Variants in KCNJ3 observed in about 807,000 individuals in gnomAD.
KCNJ3 encodes the protein G protein-activated inward rectifier potassium channel 1.
A neutral mutation model predicts 39.2 loss-of-function variants in KCNJ3; 4 were observed. The ratio of observed to expected loss-of-function variants is 0.10; its 90% CI spans 0.05 to 0.23. The LOEUF is 0.23. Ranked by LOEUF, KCNJ3 falls within the 10% of genes least tolerant of loss-of-function variation. KCNJ3 has a pLI of 1.00. For synonymous variants in KCNJ3, 230 were observed against 237.4 expected (o/e 0.97, Z 0.29); for missense variants, 276 against 634.9 (o/e 0.43, Z 6.08).
At chr2:154,833,853 T>G (rs1208126569) in intron 2 of KCNJ3, among the ~76,000 whole-genome samples, 2 of 152,080 alleles carry the variant, frequency 1.3e-5, no homozygotes, top group African/African-American at 4.8e-5. Flanking sequence ...CTTCATGTTT[T>G]TTTGTGGCTT....
At chr2:154,765,990 C>T (rs893212540) in intron 2 of KCNJ3, among the ~76,000 whole-genome samples, 3 of 152,140 alleles carry the variant, frequency 2.0e-5, no homozygotes, top group Non-Finnish European at 2.9e-5. Context: ...GTTGCACACA[C>T]GCCATTAGTA....
chr2:154,748,244 AAG>A lies in KCNJ3; in HGVS notation c.919+38427_919+38428del, dbSNP rs144026929. On this transcript the variant is annotated intron_variant, in intron 2 of 2. Transcript: ENST00000295101. Reference sequence around the variant, plus strand: ...TGACTAAATAACACTCTTTTTATAAAAGAAATGTGACTTTCATTTTAAAGTTA... The same window carrying A: ...TGACTAAATAACACTCTTTTTATAAAAAATGTGACTTTCATTTTAAAGTTA... Among the ~76,000 whole-genome samples, 412 of 152,186 alleles carry A rather than the reference AAG, an allele frequency of 2.7e-3. 4 individuals are homozygous for A. The highest frequency in any genetic ancestry group is 9.1e-3 in the African/African-American group (377 of 41,546).
intron 2 of KCNJ3, among the ~76,000 whole-genome samples, chr2:154,846,435 A>G (rs920785584): frequency 6.6e-6 from 1 of 152,298 alleles, no homozygotes; most frequent in African/African-American, 2.4e-5. Context: ...CTAATATAGT[A>G]GGCCCATAAA....
At chr2:154,740,847 A>C (rs1011875598) in intron 2 of KCNJ3, among the ~76,000 whole-genome samples, 3 of 152,002 alleles carry the variant, frequency 2.0e-5, no homozygotes, top group Non-Finnish European at 4.4e-5. Flanking sequence ...TCTGTACCTG[A>C]CTTGTCAGAT....
At chr2:154,786,613 C>T (rs77720355) in intron 2 of KCNJ3, among the ~76,000 whole-genome samples, 2 of 152,136 alleles carry the variant, frequency 1.3e-5, no homozygotes, top group East Asian at 1.9e-4. Flanking sequence ...CAGATATATA[C>T]GTATATATGT....
At chr2:154,756,114 T>C (rs1685932763) in intron 2 of KCNJ3, among the ~76,000 whole-genome samples, 1 of 152,154 alleles carries the variant, frequency 6.6e-6, no homozygotes, top group South Asian at 2.1e-4. Context: ...GCATACTTAT[T>C]ACATACTTTT....
intron 2 of KCNJ3, among the ~76,000 whole-genome samples, chr2:154,761,062 C>CTTTTTTTTTTTT (rs11375045): frequency 7.5e-6 from 1 of 133,934 alleles, no homozygotes; most frequent in Non-Finnish European, 1.6e-5. Flanking sequence ...TTAATTTTTT[C>CTTTTTTTTTTTT]TTTTTTTTTT....
At chr2:154,712,572 T>C (rs1685116117) in intron 2 of KCNJ3, among the ~76,000 whole-genome samples, 1 of 152,186 alleles carries the variant, frequency 6.6e-6, no homozygotes, top group African/African-American at 2.4e-5. Flanking sequence ...GTATGTGAGA[T>C]GCTAGAGATA....
chr2:154,754,093 A>G (rs1432827147), intron 2 of KCNJ3, among the ~76,000 whole-genome samples: 1 of 152,188 alleles, frequency 6.6e-6, no homozygotes, highest in Admixed American at 6.5e-5. Flanking sequence ...ACAATTGCCA[A>G]GATTTACAAA....
intron 2 of KCNJ3, among the ~76,000 whole-genome samples, chr2:154,727,034 A>G (rs1685372176): frequency 6.6e-6 from 1 of 152,078 alleles, no homozygotes; most frequent in South Asian, 2.1e-4. Context: ...GAGGGGACTG[A>G]GGGATAAAAG....
chr2:154,843,628 G>A (rs910140331), intron 2 of KCNJ3, among the ~76,000 whole-genome samples: 3 of 152,020 alleles, frequency 2.0e-5, no homozygotes, highest in Admixed American at 2.0e-4. Flanking sequence ...TGGAGGCTTT[G>A]ATCATTTCTT....
At chr2:154,720,883 C>T (rs1308044842) in intron 2 of KCNJ3, among the ~76,000 whole-genome samples, 2 of 152,044 alleles carry the variant, frequency 1.3e-5, no homozygotes, top group Non-Finnish European at 2.9e-5. Flanking sequence ...GGCTTCAATC[C>T]TTCTGTATTT....
intron 2 of KCNJ3, among the ~76,000 whole-genome samples, chr2:154,777,823 G>C (rs1000509173): frequency 6.6e-6 from 1 of 151,966 alleles, no homozygotes; most frequent in Non-Finnish European, 1.5e-5. Context: ...ATTTAGACTC[G>C]GTTGGCAAAA....
Position 154,718,567 on chromosome 2 carries a change from T to C in KCNJ3, c.919+8748T>C, listed in dbSNP as rs554497922. ...TGTTAAATCAGCCTTCCTAACTGCC[T>C]GCCTCAATTTAATTGAGAAGTTTAC... On this transcript the variant is annotated intron_variant, in intron 2 of 2. Transcript: ENST00000295101. 2.4e-4 allele frequency among the ~76,000 whole-genome samples: 37 copies of C among 152,302 alleles called. No individual in the cohort carries two copies. The South Asian group carries it at 2.5e-3, about 10-fold the overall frequency.
chr2:154,704,765 A>G (rs1374379150), intron 1 of KCNJ3, among the ~76,000 whole-genome samples: 1 of 152,178 alleles, frequency 6.6e-6, no homozygotes, highest in Non-Finnish European at 1.5e-5. Flanking sequence ...TTTGTTCCTG[A>G]TTCTGGTACC....
At chr2:154,819,257 A>G (rs1481076628) in intron 2 of KCNJ3, among the ~76,000 whole-genome samples, 2 of 152,124 alleles carry the variant, frequency 1.3e-5, no homozygotes, top group East Asian at 3.9e-4. Context: ...GGCCAAGCAA[A>G]TGTTATAAAA....
chr2:154,843,412 G>A (rs182774783), intron 2 of KCNJ3, among the ~76,000 whole-genome samples: 1 of 152,232 alleles, frequency 6.6e-6, no homozygotes, highest in East Asian at 1.9e-4. Context: ...ACAATTATGT[G>A]TCTTGGGGTT....
intron 2 of KCNJ3, among the ~76,000 whole-genome samples, chr2:154,737,607 A>G (rs1046050683): frequency 1.3e-5 from 2 of 152,248 alleles, no homozygotes; most frequent in Admixed American, 6.5e-5. Context: ...AGAGATACAT[A>G]GAAATATTGA....
chr2:154,706,396 C>A (rs568238307), intron 1 of KCNJ3, among the ~76,000 whole-genome samples: 2 of 152,104 alleles, frequency 1.3e-5, no homozygotes, highest in Admixed American at 1.3e-4. Context: ...TGCTTATTAT[C>A]AAATATTTCT....
Sources: allele counts gnomAD v4.1 joint callset (sites outside exome capture counted in the v4.1 genomes callset), GRCh38; gene constraint gnomAD v4.1.1; transcripts MANE v1.5; gene names NCBI Gene and HGNC (gene_info 2026-07-23, HGNC 2026-07-21).